The following DHX40 variants were observed in gnomAD, a reference collection of about 807,000 sequenced individuals.
The protein encoded by DHX40 is DEAH-box helicase 40.
A neutral mutation model predicts 89.6 loss-of-function variants in DHX40; 28 were observed. The observed-to-expected ratio is 0.31, with a 90% CI of 0.23 to 0.43. The LOEUF is 0.43. DHX40 is among the 20% of genes least tolerant of loss of function. The probability of loss-of-function intolerance (pLI) is 1.00; values close to 1 mark genes in which losing one functional copy is unlikely to be tolerated. For synonymous variants in DHX40, 226 were observed against 283.6 expected (o/e 0.80, Z 2.04); for missense variants, 457 against 844.0 (o/e 0.54, Z 5.68).
In DHX40 at chr17:59,602,592, G is replaced by C. The variant is rs1466521808; in HGVS notation, c.1877G>C (p.Gly626Ala). 1 of 1,613,704 alleles carries C rather than the reference G, an allele frequency of 6.2e-7. No individual in the cohort carries two copies. Among genetic ancestry groups the C allele is most frequent in the Non-Finnish European group, 8.5e-7 (1 of 1,179,756 alleles). The change falls in exon 15 of 18, where the codon GGC becomes GCC. Residue 626 changes from glycine (G) to alanine (A), a missense_variant. Physicochemically the swap from Gly to Ala is moderately conservative, Grantham distance 60. Transcript: ENST00000251241. ...HEVLRRCLCA[G>A]YFKNVARRSV... Reference sequence around the variant, plus strand: ...GTACTACGAAGATGTCTTTGTGCGGGCTATTTCAAAAATGTAGCTCGAAGG... The same window carrying C: ...GTACTACGAAGATGTCTTTGTGCGGCCTATTTCAAAAATGTAGCTCGAAGG...
intron 11 of DHX40, among the ~76,000 whole-genome samples, chr17:59,586,652 C>T (rs1165921273): frequency 1.4e-5 from 2 of 148,122 alleles, no homozygotes; most frequent in African/African-American, 2.5e-5. Flanking sequence ...GGCAACAGAG[C>T]GAAACTCCAT....
intron 10 of DHX40, among the ~76,000 whole-genome samples, chr17:59,583,669 A>G (rs1170525755): frequency 7.4e-6 from 1 of 134,456 alleles, no homozygotes; most frequent in Non-Finnish European, 1.7e-5. Context: ...TTGCGAGGTC[A>G]GGAGATGGAG....
At chr17:59,598,351 G>A (rs537826029) in intron 12 of DHX40, among the ~76,000 whole-genome samples, 1 of 152,088 alleles carries the variant, frequency 6.6e-6, no homozygotes, top group Non-Finnish European at 1.5e-5. Flanking sequence ...ACTTTGTCTT[G>A]AGGATTGGTT....
At chr17:59,570,129 TATATA>T (rs1488894426) in intron 2 of DHX40, among the ~76,000 whole-genome samples, 5 of 129,928 alleles carry the variant, frequency 3.8e-5, no homozygotes, top group South Asian at 2.1e-4. Flanking sequence ...TGTATATTTA[TATATA>T]ATATATTATA....
intron 12 of DHX40, among the ~76,000 whole-genome samples, chr17:59,594,955 C>T (rs1324269379): frequency 6.6e-6 from 1 of 152,114 alleles, no homozygotes; most frequent in Non-Finnish European, 1.5e-5. Flanking sequence ...GTAATTTTGA[C>T]TAGTTTAATA....
chr17:59,588,030 T>C lies in DHX40; in HGVS notation c.1559T>C (p.Val520Ala). The C allele has an allele frequency of 6.2e-7, 1 of 1,613,594 alleles. No homozygotes were observed. The highest frequency in any genetic ancestry group is 1.1e-5 in the South Asian group (1 of 91,056). Residue 520 changes from valine (V) to alanine (A), a missense_variant, in exon 12 of 18, where the codon GTG becomes GCG. By Grantham distance (64) the Val-to-Ala change is moderately conservative. This residue lies in a region of DHX40 where 19 missense variants were observed against 24.2 expected (regional missense o/e 0.78). Coordinates refer to ENST00000251241, the MANE Select transcript of DHX40 (RefSeq NM_024612.5). The part of the protein sequence containing the change: ...LLLPIAAMLS[V>A]ENVFIRPVDP... ...CTTCCAATAGCAGCAATGTTGTCTG[T>C]GGAAAACGTCTTCATTAGACCTGGT... is the stretch of plus-strand genomic sequence containing the variant.
At chr17:59,587,809 A>C in intron 11 of DHX40, 87 bp from the exon 12 acceptor site, 2 of 1,543,662 alleles carry the variant, frequency 1.3e-6, no homozygotes, top group Non-Finnish European at 1.8e-6. Context: ...GGTAACGTAA[A>C]TTATATCTGA....
At chr17:59,567,312 A>G (rs1469504033) in intron 2 of DHX40, among the ~76,000 whole-genome samples, 1 of 152,220 alleles carries the variant, frequency 6.6e-6, no homozygotes. Flanking sequence ...CCAAACCAAA[A>G]TGGAGTTACT....
intron 2 of DHX40, among the ~76,000 whole-genome samples, chr17:59,568,761 G>A (rs1285181145): frequency 6.6e-6 from 1 of 151,750 alleles, no homozygotes; most frequent in Admixed American, 6.6e-5. Flanking sequence ...TACTGTATTA[G>A]TAAGAATGGA....
At chr17:59,604,541 A>G (rs1469088462) in intron 15 of DHX40, 1 of 154,342 alleles carries the variant, frequency 6.5e-6, no homozygotes, top group Admixed American at 6.4e-5. Flanking sequence ...GAAATAAATT[A>G]TGACAAATGA....
Position 59,605,548 on chromosome 17 carries a change from G to T in DHX40, c.2074G>T (p.Val692Leu). 1 of 1,614,166 alleles carries T rather than the reference G, an allele frequency of 6.2e-7. No homozygotes were observed. The highest frequency in any genetic ancestry group is 8.5e-7 in the Non-Finnish European group (1 of 1,180,026). ...TGTATGCCCAATCCGTTATGAATGG[G>T]TAAGAGACTTGTTACCCAAGTTGCA... ...RIVCPIRYEW[V>L]RDLLPKLHEF... The change falls in exon 17 of 18, where the codon GTA becomes TTA. Residue 692 changes from valine (V) to leucine (L), a missense_variant. Transcript: ENST00000251241.
At chr17:59,577,480 T>G in intron 8 of DHX40, 115 bp downstream of exon 8, 2 of 757,884 alleles carry the variant, frequency 2.6e-6, no homozygotes, top group South Asian at 3.4e-5. Context: ...CTCTCCTACT[T>G]TTTGATGTTC....
In DHX40 at chr17:59,605,291, T is replaced by A. The variant is rs750849810; in HGVS notation, c.1971+107T>A. 1.0e-4 allele frequency: 128 copies of A among 1,271,966 alleles called. 1 individual carries two copies. Among genetic ancestry groups the A allele is most frequent in the Non-Finnish European group, 1.4e-4 (127 of 895,964 alleles). 78.8% of individuals were successfully genotyped at this position (1,271,966 alleles called of 1,614,324 possible). Reference sequence around the variant, plus strand: ...CTTTGGAGTTAAATTTACATATATCTATATTACATAGATCTATAAGGGTAT... The same window carrying A: ...CTTTGGAGTTAAATTTACATATATCAATATTACATAGATCTATAAGGGTAT... On this transcript the variant is annotated intron_variant, in intron 16 of 17. Transcript: ENST00000251241.
At position 59,570,110 on chromosome 17, in the gene DHX40, ATAT is replaced by A. The variant is rs1218511680; in HGVS notation, c.281-404_281-402del. ...TATAATATATAGTATATATTATAAT[ATAT>A]TATAATGTATATTTATATATAATAT... On this transcript the variant is annotated intron_variant, in intron 2 of 17. Coordinates refer to ENST00000251241, the MANE Select transcript of DHX40 (RefSeq NM_024612.5). 2.3e-5 allele frequency among the ~76,000 whole-genome samples: 3 copies of A among 131,162 alleles called. No homozygotes were observed. In the East Asian group the frequency reaches 6.0e-4, roughly 26 times the overall value. The allele number at this position is 131,162 out of a possible 152,430, so 86.0% of individuals were successfully genotyped here. A position where few individuals can be genotyped will look rare whatever the true frequency, so the allele number is the denominator to read the frequency against.
At chr17:59,600,618 G>T (rs2030441942) in intron 14 of DHX40, among the ~76,000 whole-genome samples, 1 of 152,072 alleles carries the variant, frequency 6.6e-6, no homozygotes, top group South Asian at 2.1e-4. Context: ...AGGACGAAGT[G>T]GGAGGACCAC....
chr17:59,604,960 G>A (rs1023272848), intron 15 of DHX40, 155 bp from the exon 16 acceptor site: 2 of 641,368 alleles, frequency 3.1e-6, no homozygotes, highest in East Asian at 5.5e-5. Context: ...TGAATTGGTA[G>A]AGAGCTTGTA....
chr17:59,570,525 A>C lies in DHX40; in HGVS notation c.288A>C (p.Ser96=). ...LPKYLYEAGF[S]QHGMIGVTQP... ...TATCTCTGGTTTTGATAGGGTTTTC[A>C]CAACATGGTATGATTGGTGTAACTC... is the stretch of plus-strand genomic sequence containing the variant. Residue 96 remains serine (S), a synonymous_variant, in exon 3 of 18, where the codon TCA becomes TCC. Coordinates refer to ENST00000251241, the MANE Select transcript of DHX40 (RefSeq NM_024612.5). The C allele has an allele frequency of 6.3e-7, 1 of 1,594,854 alleles. No homozygotes were observed.
At chr17:59,595,184 A>G (rs867656683) in intron 12 of DHX40, among the ~76,000 whole-genome samples, 9 of 152,064 alleles carry the variant, frequency 5.9e-5, no homozygotes, top group Admixed American at 4.6e-4. Flanking sequence ...CCCAGGTTCA[A>G]GCAATTCTCC....
chr17:59,587,537 A>G (rs907082215), intron 11 of DHX40, among the ~76,000 whole-genome samples: 1 of 150,548 alleles, frequency 6.6e-6, no homozygotes, highest in African/African-American at 2.4e-5. Context: ...GTAGCTTTGC[A>G]ACCTTTGCCT....
Sources: gnomAD v4.1 joint callset for allele counts (sites outside exome capture counted in the v4.1 genomes callset) on GRCh38, gnomAD v4.1.1 for gene constraint, gnomAD v4.1.1 regional missense constraint, MANE v1.5 for transcripts, NCBI Gene and HGNC (gene_info 2026-07-23, HGNC 2026-07-21) for gene names.